The following C18orf54 variants were observed in gnomAD, a reference collection of about 807,000 sequenced individuals.
C18orf54 encodes the protein chromosome 18 open reading frame 54, also known as lung adenoma susceptibility protein 2.
C18orf54 carries 49 observed loss-of-function variants against 49.3 expected under a neutral mutation model. That is an observed-to-expected ratio of 0.99 (90% CI 0.79 to 1.26). The LOEUF is 1.26. C18orf54 is among the 50% of genes most tolerant of loss of function. The pLI, the probability that C18orf54 is intolerant of heterozygous loss-of-function variation, is 0.00. For synonymous variants in C18orf54, 211 were observed against 216.6 expected (o/e 0.97, Z 0.23); for missense variants, 687 against 620.6 (o/e 1.11, Z -1.14).
intron 2 of C18orf54, among the ~76,000 whole-genome samples, chr18:54,359,645 C>CT (rs1276654357): frequency 4.3e-4 from 65 of 152,224 alleles, no homozygotes; most frequent in Non-Finnish European, 2.1e-4. Context: ...AACATTAATA[C>CT]TTTTTTAGTA....
chr18:54,362,900 G>C lies in C18orf54; in HGVS notation c.1202G>C (p.Trp401Ser), dbSNP rs1234341651. The change falls in exon 5 of 9, where the codon TGG becomes TCG. Residue 401 changes from tryptophan (W) to serine (S), a missense_variant. By Grantham distance (177) the Trp-to-Ser change is radical (BLOSUM62 -3). Coordinates refer to ENST00000620105, the MANE Select transcript of C18orf54 (RefSeq NM_001288980.2). ...SLDKLEADRS[W>S]ENIPVTFKSP... ...GATAAACTTGAAGCAGACAGATCAT[G>C]GGAAAATATTCCTGTTACTTTGTAA... 4 of 1,599,228 alleles carry C rather than the reference G, an allele frequency of 2.5e-6. No individual in the cohort carries two copies. The highest frequency in any genetic ancestry group is 3.4e-6 in the Non-Finnish European group (4 of 1,176,790).
chr18:54,371,618 A>G (rs2144745247), intron 6 of C18orf54, among the ~76,000 whole-genome samples: 1 of 152,190 alleles, frequency 6.6e-6, no homozygotes, highest in South Asian at 2.1e-4. Context: ...CATTTCTTAT[A>G]TCCTGTTCTA....
Position 54,379,730 on chromosome 18 carries a change from C to T in C18orf54, c.*1484C>T. On this transcript the variant is annotated 3_prime_UTR_variant, in exon 9 of 9. Coordinates refer to ENST00000620105, the MANE Select transcript of C18orf54 (RefSeq NM_001288980.2). ...AAAATGCAGATTTTAGGTGGGTAAACATCAGGTAGGTCTGGGTGGGTCATG... is the reference window on the plus strand; with the variant it reads ...AAAATGCAGATTTTAGGTGGGTAAATATCAGGTAGGTCTGGGTGGGTCATG... 1 of 151,798 alleles carries T rather than the reference C, an allele frequency of 6.6e-6. No homozygotes were observed. Among genetic ancestry groups the T allele is most frequent in the Admixed American group, 6.6e-5 (1 of 15,250 alleles). The allele number at this position is 151,798 out of a possible 1,614,324, so 9.4% of individuals were successfully genotyped here.
At chr18:54,371,393 GT>G (rs2089484472) in intron 6 of C18orf54, among the ~76,000 whole-genome samples, 1 of 152,102 alleles carries the variant, frequency 6.6e-6, no homozygotes, top group Non-Finnish European at 1.5e-5. Context: ...TTCATCTGTT[GT>G]TGGACTCTTG....
chr18:54,365,929 TCTC>T (rs1030178752), intron 6 of C18orf54, 108 bp downstream of exon 6: 7 of 450,956 alleles, frequency 1.6e-5, no homozygotes, highest in Middle Eastern at 6.4e-4. Context: ...ACTCAAATCT[TCTC>T]CTCTCAAATA....
Position 54,378,071 on chromosome 18 carries a change from A to G in C18orf54, c.1530-103A>G. The G allele has an allele frequency of 1.4e-6, 1 of 697,178 alleles. No individual in the cohort carries two copies. The allele number at this position is 697,178 out of a possible 1,614,324, so 43.2% of individuals were successfully genotyped here. On this transcript the variant is annotated intron_variant, in intron 8 of 8. Transcript: ENST00000620105. ...TTATATAAATTTACTTCTCATACCA[A>G]TTTTGAAGTTAATAGTCAACTTTAT...
In C18orf54 at chr18:54,360,589, C is replaced by T; in HGVS notation, c.17C>T (p.Thr6Ile). Residue 6 changes from threonine to isoleucine, a missense_variant, in exon 3 of 9, where the codon ACA becomes ATA. Physicochemically the swap from Thr to Ile is moderately conservative, Grantham distance 89. Coordinates refer to ENST00000620105, the MANE Select transcript of C18orf54 (RefSeq NM_001288980.2). ...GAAGAAGCCATGGCGAAATCAAAGA[C>T]AAAACATAGACTTTGTTCTCAGGAA... MAKSK[T>I]KHRLCSQESS... 1.2e-6 allele frequency: 2 copies of T among 1,613,770 alleles called. No individual in the cohort carries two copies. Among genetic ancestry groups the T allele is most frequent in the East Asian group, 2.2e-5 (1 of 44,876 alleles).
At chr18:54,373,726 A>T (rs1009488133) in intron 7 of C18orf54, among the ~76,000 whole-genome samples, 1 of 151,860 alleles carries the variant, frequency 6.6e-6, no homozygotes, top group African/African-American at 2.4e-5. Context: ...GTAAGTGCTC[A>T]ATAAATGATG....
Position 54,379,338 on chromosome 18 carries a change from G to GTT in C18orf54, c.*1093_*1094dup, listed in dbSNP as rs1342374070. On this transcript the variant is annotated 3_prime_UTR_variant, in exon 9 of 9. Coordinates refer to ENST00000620105, the MANE Select transcript of C18orf54 (RefSeq NM_001288980.2). ...CTGTGTGTATGTATAACTACTACAG[G>GTT]TTAACACTTCACCCAAATGATAGCG... is the stretch of plus-strand genomic sequence containing the variant. 1 of 152,048 alleles carries GTT rather than the reference G, an allele frequency of 6.6e-6. No homozygotes were observed. The highest frequency in any genetic ancestry group is 1.5e-5 in the Non-Finnish European group (1 of 67,940). 9.4% of individuals were successfully genotyped at this position (152,048 alleles called of 1,614,324 possible).
At chr18:54,366,843 C>G (rs1237637825) in intron 6 of C18orf54, among the ~76,000 whole-genome samples, 1 of 151,816 alleles carries the variant, frequency 6.6e-6, no homozygotes, top group Non-Finnish European at 1.5e-5. Context: ...ATTGATAATA[C>G]TAATTTATAT....
chr18:54,378,216 T>TA lies in C18orf54; in HGVS notation c.1573dup (p.Thr525AsnfsTer20). 1 of 1,613,682 alleles carries TA rather than the reference T, an allele frequency of 6.2e-7. No homozygotes were observed. Among genetic ancestry groups the TA allele is most frequent in the Non-Finnish European group, 8.5e-7 (1 of 1,179,734 alleles). ...CTCGCCTGAGAGACCTGGTTGATGA[T>TA]ACGAATGGAGAACGGTCACCGAAAA... On this transcript the variant is annotated frameshift_variant, in exon 9 of 9. Transcript: ENST00000620105. LOFTEE classifies it high-confidence loss of function.
intron 8 of C18orf54, among the ~76,000 whole-genome samples, chr18:54,374,532 T>C (rs965033636): frequency 6.6e-6 from 1 of 151,816 alleles, no homozygotes; most frequent in African/African-American, 2.4e-5. Context: ...ATGACTCATT[T>C]TTGAGTAGTA....
intron 3 of C18orf54, 79 bp downstream of exon 3, chr18:54,360,934 T>G (rs1599324195): frequency 1.5e-6 from 2 of 1,369,238 alleles, no homozygotes; most frequent in East Asian, 2.3e-5. Flanking sequence ...TTGTAAAGTT[T>G]GACATTATTT....
Position 54,378,223 on chromosome 18 carries a change from G to A in C18orf54, c.1579G>A (p.Gly527Arg), listed in dbSNP as rs777550164. ...GAGAGACCTGGTTGATGATACGAATGGAGAACGGTCACCGAAAATGTGAAG... is the reference window on the plus strand; with the variant it reads ...GAGAGACCTGGTTGATGATACGAATAGAGAACGGTCACCGAAAATGTGAAG... ...RLRDLVDDTN[G>R]ERSPKM is the part of the protein sequence containing the mutation. Residue 527 changes from glycine (G) to arginine (R), a missense_variant, in exon 9 of 9, where the codon GGA becomes AGA. Gly to Arg is a moderately radical substitution (Grantham distance 125, BLOSUM62 -2). Coordinates refer to ENST00000620105, the MANE Select transcript of C18orf54 (RefSeq NM_001288980.2). The A allele has an allele frequency of 6.2e-7, 1 of 1,613,550 alleles. No homozygotes were observed. Among genetic ancestry groups the A allele is most frequent in the East Asian group, 2.2e-5 (1 of 44,846 alleles).
chr18:54,371,000 C>G (rs2089477265), intron 6 of C18orf54, among the ~76,000 whole-genome samples: 2 of 150,886 alleles, frequency 1.3e-5, no homozygotes, highest in South Asian at 4.2e-4. Flanking sequence ...ATATACATAA[C>G]ATAAAATTTA....
At chr18:54,369,931 G>GT (rs11452351) in intron 6 of C18orf54, among the ~76,000 whole-genome samples, 152,247 of 152,248 alleles carry the variant, frequency 1, 76,123 homozygotes, top group Non-Finnish European at 1. Context: ...TTGGCCCTCT[G>GT]ATGTGTGGGT....
At chr18:54,371,558 A>C (rs2089486783) in intron 6 of C18orf54, among the ~76,000 whole-genome samples, 1 of 152,050 alleles carries the variant, frequency 6.6e-6, no homozygotes, top group Non-Finnish European at 1.5e-5. Context: ...TTTCTTGTGG[A>C]ATTCCTATAC....
chr18:54,365,456 T>G (rs2089362405), intron 5 of C18orf54, among the ~76,000 whole-genome samples: 1 of 151,994 alleles, frequency 6.6e-6, no homozygotes, highest in Non-Finnish European at 1.5e-5. Flanking sequence ...CTTGTTTAGC[T>G]GAATGTTAAT....
At chr18:54,359,655 A>G (rs1195181048) in intron 2 of C18orf54, among the ~76,000 whole-genome samples, 1 of 152,226 alleles carries the variant, frequency 6.6e-6, no homozygotes, top group Non-Finnish European at 1.5e-5. Context: ...CTTTTTTAGT[A>G]TAGGAAATCC....
Sources: gnomAD v4.1 joint callset for allele counts (sites outside exome capture counted in the v4.1 genomes callset) on GRCh38, gnomAD v4.1.1 for gene constraint, MANE v1.5 for transcripts, NCBI Gene and HGNC (gene_info 2026-07-23, HGNC 2026-07-21) for gene names.